Variants in HERC1 observed in about 807,000 individuals in gnomAD.
The protein encoded by HERC1 is HECT and RLD domain containing E3 ubiquitin protein ligase family member 1.
In HERC1, 160 loss-of-function variants were observed where a neutral mutation model predicts 554.3. The ratio of observed to expected loss-of-function variants is 0.29; its 90% confidence interval spans 0.25 to 0.33. The LOEUF (loss-of-function observed/expected upper bound fraction) is 0.33. HERC1 is among the 10% of genes least tolerant of loss of function. The pLI, the probability that HERC1 is intolerant of heterozygous loss-of-function variation, is 1.00. For missense variants in HERC1, 4,919 were observed against 5,918.5 expected (o/e 0.83, Z 5.54); for synonymous variants, 2,175 against 2,131.7 (o/e 1.02, Z -0.56).
chr15:63,708,331 G>A (rs1208245449), intron 24 of HERC1, among the ~76,000 whole-genome samples: 1 of 152,118 alleles, frequency 6.6e-6, no homozygotes, highest in Non-Finnish European at 1.5e-5. Flanking sequence ...TGCTTTTCCT[G>A]TGTGGTGACC....
intron 1 of HERC1, among the ~76,000 whole-genome samples, chr15:63,784,670 C>A (rs2076386240): frequency 6.6e-6 from 1 of 151,816 alleles, no homozygotes; most frequent in African/African-American, 2.4e-5. Flanking sequence ...TGCAGTGGCG[C>A]AATCTCGGCT....
chr15:63,621,316 T>C (rs1463990677), intron 74 of HERC1, among the ~76,000 whole-genome samples: 4 of 152,248 alleles, frequency 2.6e-5, no homozygotes, highest in African/African-American at 9.6e-5. Flanking sequence ...ATGTTGAATA[T>C]TGGCCCCCAC....
chr15:63,746,447 T>C (rs2075058425), intron 12 of HERC1, among the ~76,000 whole-genome samples: 1 of 152,230 alleles, frequency 6.6e-6, no homozygotes, highest in East Asian at 1.9e-4. Flanking sequence ...TTTTAAACTA[T>C]ACTCTCCTTA....
At chr15:63,745,487 G>A (rs922962222) in intron 12 of HERC1, among the ~76,000 whole-genome samples, 8 of 152,188 alleles carry the variant, frequency 5.3e-5, no homozygotes, top group Non-Finnish European at 1.2e-4. Context: ...TGCTCCCTCT[G>A]TGCACAGGTG....
chr15:63,788,504 T>C (rs1280667595), intron 1 of HERC1, among the ~76,000 whole-genome samples: 2 of 152,242 alleles, frequency 1.3e-5, no homozygotes, highest in Non-Finnish European at 2.9e-5. Flanking sequence ...AGAGTCTCAG[T>C]TCTTTTTAAG....
chr15:63,785,630 A>T (rs11854292), intron 1 of HERC1, among the ~76,000 whole-genome samples: 2 of 151,846 alleles, frequency 1.3e-5, no homozygotes, highest in African/African-American at 4.8e-5. Context: ...ATTAGCCAGG[A>T]ATGGTGGCGC....
At chr15:63,647,894 T>C (rs1182683681) in intron 55 of HERC1, among the ~76,000 whole-genome samples, 175 bp downstream of exon 55, 1 of 152,192 alleles carries the variant, frequency 6.6e-6, no homozygotes, top group East Asian at 1.9e-4. Context: ...AAGGGAGACT[T>C]GGAAGGTGAG....
At chr15:63,638,919 AATT>A in intron 61 of HERC1, 143 bp from the exon 62 acceptor site, 1 of 677,018 alleles carries the variant, frequency 1.5e-6, no homozygotes, top group Non-Finnish European at 2.6e-6. Context: ...GCAGTTTTAT[AATT>A]ATGTCAAACT....
Position 63,756,591 on chromosome 15 carries a change from A to G in HERC1, c.1379T>C (p.Val460Ala). The change falls in exon 5 of 78, where the codon GTT becomes GCT. Residue 460 changes from valine to alanine, a missense_variant. By Grantham distance (64) the Val-to-Ala change is moderately conservative. This residue lies in a region of HERC1 where 744 missense variants were observed against 1,090.0 expected (regional missense o/e 0.68). Coordinates refer to ENST00000443617, the MANE Select transcript of HERC1 (RefSeq NM_003922.4). The surrounding 1 kb of genome is among the most constrained non-coding windows in gnomAD (Gnocchi z 5.0). ...ACCATCAGATCCTTTAGAAGATGAA[A>G]CCTTTTTAATGGATCTGTGAGGCTC... is the stretch of plus-strand genomic sequence containing the variant. ...TFEPHRSIKK[V>A]SSSKGSDGHT... 1.9e-6 allele frequency: 3 copies of G among 1,613,956 alleles called. No individual in the cohort carries two copies. Among genetic ancestry groups the G allele is most frequent in the East Asian group, 2.2e-5 (1 of 44,884 alleles).
intron 1 of HERC1, among the ~76,000 whole-genome samples, chr15:63,814,905 T>A (rs79790777): frequency 3.9e-5 from 6 of 152,226 alleles, no homozygotes; most frequent in African/African-American, 1.4e-4. Flanking sequence ...TTTAATGCAA[T>A]GTACTAATGT....
chr15:63,700,026 C>G (rs2072631667), intron 25 of HERC1, among the ~76,000 whole-genome samples: 1 of 151,990 alleles, frequency 6.6e-6, no homozygotes, highest in African/African-American at 2.4e-5. Context: ...CTAACAGTAA[C>G]TTCTATCTAT....
chr15:63,803,353 C>G (rs1404006572), intron 1 of HERC1, among the ~76,000 whole-genome samples: 1 of 152,116 alleles, frequency 6.6e-6, no homozygotes, highest in Non-Finnish European at 1.5e-5. Context: ...GACTAGTCTG[C>G]CAGGTGACCC....
chr15:63,775,022 C>A lies in HERC1; in HGVS notation c.602G>T (p.Ser201Ile). The A allele has an allele frequency of 6.2e-7, 1 of 1,613,970 alleles. No individual in the cohort carries two copies. The highest frequency in any genetic ancestry group is 8.5e-7 in the Non-Finnish European group (1 of 1,179,836). ...TGCTAATGATAATGGTGGCAAAGAG[C>A]TCACAACTTCAATTGCAGTATGAAT... ...DVIHTAIEVV[S>I]SLPPLSLANE... is the part of the protein sequence containing the mutation. Residue 201 changes from serine to isoleucine, a missense_variant, in exon 2 of 78, where the codon AGC becomes ATC. Ser to Ile is a moderately radical substitution (Grantham distance 142). Around this residue, in one of 11 missense-constraint regions of HERC1, gnomAD observed 744 missense variants for 1,090.0 expected, o/e 0.68. Coordinates refer to ENST00000443617, the MANE Select transcript of HERC1 (RefSeq NM_003922.4). The surrounding 1 kb of genome is among the most constrained non-coding windows in gnomAD (Gnocchi z 4.0).
chr15:63,644,780 A>C (rs1051541735), intron 57 of HERC1, among the ~76,000 whole-genome samples: 1 of 152,220 alleles, frequency 6.6e-6, no homozygotes, highest in African/African-American at 2.4e-5. Flanking sequence ...TCACCACTTA[A>C]TATGTATAGA....
At chr15:63,736,295 A>G (rs1355944389) in intron 12 of HERC1, among the ~76,000 whole-genome samples, 3 of 152,222 alleles carry the variant, frequency 2.0e-5, no homozygotes, top group Non-Finnish European at 2.9e-5. Flanking sequence ...TAATAGGCAC[A>G]GTTGAAGGCA....
chr15:63,744,502 C>T (rs750594377), intron 12 of HERC1, among the ~76,000 whole-genome samples: 39 of 152,200 alleles, frequency 2.6e-4, no homozygotes, highest in South Asian at 4.1e-4. Context: ...GAGTCAAAAA[C>T]CTTAGAGGTC....
intron 38 of HERC1, among the ~76,000 whole-genome samples, chr15:63,673,253 CA>C (rs56329950): frequency 0.5 from 75,905 of 151,700 alleles, 19,854 homozygotes; most frequent in African/African-American, 0.54. Flanking sequence ...TACAAATAAA[CA>C]TAACTAAAAT....
Position 63,659,637 on chromosome 15 carries a change from A to G in HERC1, c.9424+99T>C, listed in dbSNP as rs144198851. ...TGGGGTGAGATAATGTTGAACCATTAGTCTTATTTACTTTTACTTTATTAT... is the reference window on the plus strand; with the variant it reads ...TGGGGTGAGATAATGTTGAACCATTGGTCTTATTTACTTTTACTTTATTAT... On this transcript the variant is annotated intron_variant, in intron 47 of 77. Transcript: ENST00000443617. 3,127 of 795,004 alleles carry G rather than the reference A, an allele frequency of 3.9e-3. 9 individuals are homozygous for G. Among genetic ancestry groups the G allele is most frequent in the Non-Finnish European group, 5.0e-3 (2,435 of 487,380 alleles). The allele number at this position is 795,004 out of a possible 1,614,324, so 49.2% of individuals were successfully genotyped here.
chr15:63,823,399 T>A (rs1160415289), intron 1 of HERC1, among the ~76,000 whole-genome samples: 2 of 152,256 alleles, frequency 1.3e-5, no homozygotes, highest in African/African-American at 4.8e-5. Flanking sequence ...ACATCAGCCC[T>A]ATGACGTAGC....
Sources: allele counts gnomAD v4.1 joint callset (sites outside exome capture counted in the v4.1 genomes callset), GRCh38; gene constraint gnomAD v4.1.1; regional missense constraint gnomAD v4.1.1; non-coding constraint Gnocchi (gnomAD v3.1); transcripts MANE v1.5; gene names NCBI Gene and HGNC (gene_info 2026-07-23, HGNC 2026-07-21).